LLPH: variants seen among roughly 807,000 people sequenced by gnomAD.
The protein encoded by LLPH is protein LLP homolog.
In LLPH, 5 loss-of-function variants were observed where a neutral mutation model predicts 13.3. The ratio of observed to expected loss-of-function variants is 0.38; its 90% CI spans 0.20 to 0.79. The LOEUF (loss-of-function observed/expected upper bound fraction) is 0.79, where lower values mean the gene tolerates loss of function less well. Ranked by LOEUF, LLPH falls within the 30% of genes least tolerant of loss-of-function variation. LLPH has a pLI of 0.45. For synonymous variants in LLPH, 32 were observed against 44.2 expected, an observed-to-expected ratio of 0.72 and a Z score of 1.09; for missense variants, 129 against 152.1, an observed-to-expected ratio of 0.85 and a Z score of 0.80.
chr12:66,123,933 T>C lies in LLPH; in HGVS notation c.297A>G (p.Gln99=). 2.5e-6 allele frequency: 4 copies of C among 1,613,158 alleles called. No individual in the cohort carries two copies. The highest frequency in any genetic ancestry group is 3.4e-6 in the Non-Finnish European group (4 of 1,179,436). The part of the protein sequence containing the change: ...QHGQYPIWMN[Q]RQRKRLKAKR... The stretch of plus-strand genomic sequence containing the variant: ...TTGCCTTCAGCCTTTTTCTTTGCCT[T>C]TGGTTCATCCATATTGGGTACTGTC... The change falls in exon 3 of 3, where the codon CAA becomes CAG. Residue 99 remains glutamine, a synonymous_variant. Transcript: ENST00000266604.
At chr12:66,125,070 C>A (rs958632061) in intron 2 of LLPH, among the ~76,000 whole-genome samples, 3 of 151,436 alleles carry the variant, frequency 2.0e-5, no homozygotes, top group African/African-American at 7.3e-5. Context: ...CCTGTCTCCC[C>A]GCAAAAAAAA....
rs1344845207 is a variant in LLPH at position 66,118,346 on chromosome 12, A to G, written c.*5494T>C. On this transcript the variant is annotated 3_prime_UTR_variant, in exon 3 of 3. Coordinates refer to ENST00000266604, the MANE Select transcript of LLPH (RefSeq NM_032338.4). ...CCATTGTACTCCAGCCTGGGCAACA[A>G]GAGTGAAACTCCGTCTCAAAAAAAA... is the stretch of plus-strand genomic sequence containing the variant. The G allele has an allele frequency of 6.9e-6, 1 of 145,514 alleles. No homozygotes were observed. Among genetic ancestry groups the G allele is most frequent in the Non-Finnish European group, 1.5e-5 (1 of 67,288 alleles). The allele number at this position is 145,514 out of a possible 1,614,324, so 9.0% of individuals were successfully genotyped here. A position where few individuals can be genotyped will look rare whatever the true frequency, so the allele number is the denominator to read the frequency against.
At position 66,126,336 on chromosome 12, in the gene LLPH, T is replaced by TAA. The variant is rs531403309; in HGVS notation, c.212-2320_212-2319dup. 6.3e-4 allele frequency among the ~76,000 whole-genome samples: 83 copies of TAA among 131,746 alleles called. 2 individuals carry two copies. Among genetic ancestry groups the TAA allele is most frequent in the African/African-American group, 2.1e-3 (74 of 35,956 alleles). 86.4% of individuals were successfully genotyped at this position (131,746 alleles called of 152,430 possible). A position where few individuals can be genotyped will look rare whatever the true frequency, so the allele number is the denominator to read the frequency against. ...GAGAGTTCATCTCAAAAAAAAAAAG[T>TAA]AAAAAAAAAAAGAAAAACTTTTAGA... is the stretch of plus-strand genomic sequence containing the variant. On this transcript the variant is annotated intron_variant, in intron 2 of 2. Transcript: ENST00000266604.
chr12:66,126,232 G>A (rs1005247210), intron 2 of LLPH, among the ~76,000 whole-genome samples: 3 of 151,918 alleles, frequency 2.0e-5, no homozygotes, highest in South Asian at 2.1e-4. Context: ...GCTGAGGCAG[G>A]AGAATGGCGC....
At position 66,117,639 on chromosome 12, in the gene LLPH, GTGAACAGCCTCAGGCAGGTCCTCC is replaced by G. The variant is rs2051437275; in HGVS notation, c.*6177_*6200del. On this transcript the variant is annotated 3_prime_UTR_variant, in exon 3 of 3. Transcript: ENST00000266604. Reference sequence around the variant, plus strand: ...CTTCTACTTAAAGAAAAAGTTGACTGTGAACAGCCTCAGGCAGGTCCTCCAGAAGGTATTGCACAAGAAGGTGTT... The same window carrying G: ...CTTCTACTTAAAGAAAAAGTTGACTGAGAAGGTATTGCACAAGAAGGTGTT... The G allele has an allele frequency of 1.3e-5, 2 of 152,220 alleles. No homozygotes were observed. Among genetic ancestry groups the G allele is most frequent in the African/African-American group, 4.8e-5 (2 of 41,458 alleles). 9.4% of individuals were successfully genotyped at this position (152,220 alleles called of 1,614,324 possible).
chr12:66,128,848 CAAAAAAA>C (rs71096072), intron 2 of LLPH, 41 bp downstream of exon 2: 98 of 997,602 alleles, frequency 9.8e-5, no homozygotes, highest in Non-Finnish European at 1.1e-4. Context: ...GACCCTGCCT[CAAAAAAA>C]AAAAAAAAAA....
rs1439127096 is a variant in LLPH at position 66,121,282 on chromosome 12, T to A, written c.*2558A>T. 1 of 69,810 alleles carries A rather than the reference T, an allele frequency of 1.4e-5. No individual in the cohort carries two copies. Among genetic ancestry groups the A allele is most frequent in the Non-Finnish European group, 3.5e-5 (1 of 28,266 alleles). 4.3% of individuals were successfully genotyped at this position (69,810 alleles called of 1,614,324 possible). A position where few individuals can be genotyped will look rare whatever the true frequency, so the allele number is the denominator to read the frequency against. On this transcript the variant is annotated 3_prime_UTR_variant, in exon 3 of 3. Transcript: ENST00000266604. ...CTGTGTAATATCACGAATGTAGACT[T>A]TTTTTTTTTTTTTTTTTGAGATGGA...
intron 1 of LLPH, 42 bp downstream of exon 1, chr12:66,130,663 C>G (rs995644211): frequency 5.3e-5 from 8 of 152,348 alleles, no homozygotes; most frequent in Non-Finnish European, 1.0e-4. Context: ...AATCAAGCCC[C>G]AAGTCCCATG....
At chr12:66,124,851 G>A (rs1314289839) in intron 2 of LLPH, among the ~76,000 whole-genome samples, 2 of 152,092 alleles carry the variant, frequency 1.3e-5, no homozygotes, top group African/African-American at 2.4e-5. Context: ...TAGCCCTCAC[G>A]GAGTTTACAG....
chr12:66,126,064 C>T (rs1171111892), intron 2 of LLPH, among the ~76,000 whole-genome samples: 3 of 152,180 alleles, frequency 2.0e-5, no homozygotes, highest in Non-Finnish European at 4.4e-5. Flanking sequence ...GTGGCTCACG[C>T]CTGTAATCCC....
chr12:66,118,984 G>T lies in LLPH; in HGVS notation c.*4856C>A, dbSNP rs958681468. On this transcript the variant is annotated 3_prime_UTR_variant, in exon 3 of 3. Coordinates refer to ENST00000266604, the MANE Select transcript of LLPH (RefSeq NM_032338.4). ...TAGACTGACACCTCAAGGATCCCAA[G>T]GTGCCCATTTCAGCTCCCAAAATCT... 6.6e-6 allele frequency: 1 copy of T among 152,066 alleles called. No individual in the cohort carries two copies. Among genetic ancestry groups the T allele is most frequent in the African/African-American group, 2.4e-5 (1 of 41,380 alleles). 9.4% of individuals were successfully genotyped at this position (152,066 alleles called of 1,614,324 possible).
intron 2 of LLPH, among the ~76,000 whole-genome samples, chr12:66,126,499 G>T (rs1453379953): frequency 6.6e-6 from 1 of 151,986 alleles, no homozygotes; most frequent in East Asian, 1.9e-4. Flanking sequence ...AGTGGATGTG[G>T]GCATCTGGTA....
At position 66,121,538 on chromosome 12, in the gene LLPH, T is replaced by A. The variant is rs1480441873; in HGVS notation, c.*2302A>T. On this transcript the variant is annotated 3_prime_UTR_variant, in exon 3 of 3. Transcript: ENST00000266604. ...CTCAGGTGATCCATCTGCCTCAGCC[T>A]CCCAAATTGTTAGAATTTGGTGCCT... The A allele has an allele frequency of 2.6e-5, 4 of 151,464 alleles. No individual in the cohort carries two copies. The highest frequency in any genetic ancestry group is 9.7e-5 in the African/African-American group (4 of 41,262). 9.4% of individuals were successfully genotyped at this position (151,464 alleles called of 1,614,324 possible). A position where few individuals can be genotyped will look rare whatever the true frequency, so the allele number is the denominator to read the frequency against.
intron 2 of LLPH, among the ~76,000 whole-genome samples, chr12:66,126,940 A>C (rs2051501130): frequency 6.6e-6 from 1 of 151,988 alleles, no homozygotes; most frequent in Admixed American, 6.6e-5. Flanking sequence ...AAAAAAAAAA[A>C]CAAAAAACAA....
chr12:66,123,083 C>A lies in LLPH; in HGVS notation c.*757G>T, dbSNP rs1043846252. The stretch of plus-strand genomic sequence containing the variant: ...ACTTGAAGATCTACACACAAAATAT[C>A]TTTTATTCTGTGGAATCAAAGCTCC... On this transcript the variant is annotated 3_prime_UTR_variant, in exon 3 of 3. Coordinates refer to ENST00000266604, the MANE Select transcript of LLPH (RefSeq NM_032338.4). 2.0e-5 allele frequency: 3 copies of A among 151,700 alleles called. No homozygotes were observed. Among genetic ancestry groups the A allele is most frequent in the Middle Eastern group, 6.9e-3 (2 of 290 alleles). 9.4% of individuals were successfully genotyped at this position (151,700 alleles called of 1,614,324 possible).
rs2051477289 is a variant in LLPH, at chr12:66,123,541, TA to T, written c.*298del. On this transcript the variant is annotated 3_prime_UTR_variant, in exon 3 of 3. Coordinates refer to ENST00000266604, the MANE Select transcript of LLPH (RefSeq NM_032338.4). ...CTCTATTGACTATAATTACCAGTTGTAAGAACAATTCTAACCATATTAATAC... is the reference window on the plus strand; with the variant it reads ...CTCTATTGACTATAATTACCAGTTGTAGAACAATTCTAACCATATTAATAC... 3.0e-6 allele frequency: 1 copy of T among 328,686 alleles called. No homozygotes were observed. Among genetic ancestry groups the T allele is most frequent in the Non-Finnish European group, 5.5e-6 (1 of 182,026 alleles). 20.4% of individuals were successfully genotyped at this position (328,686 alleles called of 1,614,324 possible).
Position 66,123,604 on chromosome 12 carries a change from T to C in LLPH, c.*236A>G. 1 of 514,246 alleles carries C rather than the reference T, an allele frequency of 1.9e-6. No homozygotes were observed. Among genetic ancestry groups the C allele is most frequent in the South Asian group, 3.0e-5 (1 of 33,314 alleles). 31.9% of individuals were successfully genotyped at this position (514,246 alleles called of 1,614,324 possible). ...TTGAGGCCTGATTATAACTGGATATTGGGTAGCATCCAGTTAAAGTATCAG... is the reference window on the plus strand; with the variant it reads ...TTGAGGCCTGATTATAACTGGATATCGGGTAGCATCCAGTTAAAGTATCAG... On this transcript the variant is annotated 3_prime_UTR_variant, in exon 3 of 3. Coordinates refer to ENST00000266604, the MANE Select transcript of LLPH (RefSeq NM_032338.4).
In LLPH at chr12:66,130,748, G is replaced by A. The variant is rs1389409358; in HGVS notation, c.-51C>T. ...CACCTCACGCTCACGCCGACCGGAA[G>A]TCTTTGCACTTCCGTCTTCCGGGCG... On this transcript the variant is annotated 5_prime_UTR_variant, in exon 1 of 3. Coordinates refer to ENST00000266604, the MANE Select transcript of LLPH (RefSeq NM_032338.4). The A allele has an allele frequency of 6.6e-6, 1 of 152,322 alleles. No individual in the cohort carries two copies. Among genetic ancestry groups the A allele is most frequent in the Non-Finnish European group, 1.5e-5 (1 of 68,068 alleles). 9.4% of individuals were successfully genotyped at this position (152,322 alleles called of 1,614,324 possible). A position where few individuals can be genotyped will look rare whatever the true frequency, so the allele number is the denominator to read the frequency against.
chr12:66,123,503 T>C lies in LLPH; in HGVS notation c.*337A>G, dbSNP rs145589839. On this transcript the variant is annotated 3_prime_UTR_variant, in exon 3 of 3. Transcript: ENST00000266604. ...AAGTTCACAAAAATTTGTCAGTACATCATCTGTTTTATCTCTATTGACTAT... is the reference window on the plus strand; with the variant it reads ...AAGTTCACAAAAATTTGTCAGTACACCATCTGTTTTATCTCTATTGACTAT... The C allele has an allele frequency of 1.7e-3, 374 of 224,304 alleles. 2 individuals are homozygous for C. The highest frequency in any genetic ancestry group is 8.0e-3 in the African/African-American group (353 of 44,114). 13.9% of individuals were successfully genotyped at this position (224,304 alleles called of 1,614,324 possible).
Sources: gnomAD v4.1 joint callset for allele counts (sites outside exome capture counted in the v4.1 genomes callset) on GRCh38, gnomAD v4.1.1 for gene constraint, MANE v1.5 for transcripts, NCBI Gene and HGNC (gene_info 2026-07-23, HGNC 2026-07-21) for gene names.